The following SHISA9 variants were observed in gnomAD, a reference collection of about 807,000 sequenced individuals.
The protein encoded by SHISA9 is protein shisa-9.
In SHISA9, 13 loss-of-function variants were observed where a neutral mutation model predicts 38.0. The observed-to-expected ratio is 0.34, with a 90% CI of 0.22 to 0.54. SHISA9 has a LOEUF of 0.54. Among genes scored for constraint, SHISA9 ranks in the 20% least tolerant of loss-of-function variants. The pLI, the probability that SHISA9 is intolerant of heterozygous loss-of-function variation, is 0.91. For missense variants in SHISA9, 538 were observed against 575.8 expected, an observed-to-expected ratio of 0.93 and a Z score of 0.67; for synonymous variants, 275 against 242.0, an observed-to-expected ratio of 1.14 and a Z score of -1.27.
At chr16:13,262,654 A>AAGGAAGGAAGGGAGGG in the SHISA9 span, among the ~76,000 whole-genome samples, 4,670 of 46,696 alleles carry the variant, frequency 0.1, 151 homozygotes, top group Admixed American at 0.12. Flanking sequence ...GGAAGGAAGG[A>AAGGAAGGAAGGGAGGG]AGGAAGGAAG....
chr16:13,121,733 A>G (rs1378035695), intron 2 of SHISA9, among the ~76,000 whole-genome samples: 1 of 151,892 alleles, frequency 6.6e-6, no homozygotes, highest in Non-Finnish European at 1.5e-5. Flanking sequence ...GGAATGGGCA[A>G]TTTCAAAGCT....
At chr16:13,217,345 C>A (rs1282733060) in intron 4 of SHISA9, among the ~76,000 whole-genome samples, 1 of 152,042 alleles carries the variant, frequency 6.6e-6, no homozygotes, top group Non-Finnish European at 1.5e-5. Context: ...ATCTCAAGAC[C>A]AGCAGACTGT....
At chr16:13,047,703 C>T (rs1176909594) in intron 2 of SHISA9, among the ~76,000 whole-genome samples, 3 of 152,142 alleles carry the variant, frequency 2.0e-5, no homozygotes, top group Non-Finnish European at 2.9e-5. Context: ...TCCCGTGTGC[C>T]AGGATCTGTG....
At position 13,012,533 on chromosome 16, in the gene SHISA9, G is replaced by A. The variant is rs575339388; in HGVS notation, c.691+95718G>A. ...TGAGACCAAACAACTGGACAAGGATGCACACGCTTTTCATTTCAAATAAAT... is the reference window on the plus strand; with the variant it reads ...TGAGACCAAACAACTGGACAAGGATACACACGCTTTTCATTTCAAATAAAT... On this transcript the variant is annotated intron_variant, in intron 2 of 4. Transcript: ENST00000558583. 8.5e-5 allele frequency among the ~76,000 whole-genome samples: 13 copies of A among 152,286 alleles called. No individual in the cohort carries two copies. In the East Asian group the frequency reaches 2.3e-3, roughly 27 times the overall value.
Position 13,235,215 on chromosome 16 carries a change from G to C in SHISA9, c.1081G>C (p.Ala361Pro). 1 of 1,551,698 alleles carries C rather than the reference G, an allele frequency of 6.4e-7. No homozygotes were observed. Among genetic ancestry groups the C allele is most frequent in the South Asian group, 1.2e-5 (1 of 84,054 alleles). ...CAACAAGATGCCCCCACATCCCCTGGCCTACACCTCTACCACCAACTTTAA... is the reference window on the plus strand; with the variant it reads ...CAACAAGATGCCCCCACATCCCCTGCCCTACACCTCTACCACCAACTTTAA... ...RTNKMPPHPL[A>P]YTSTTNFKGW... Residue 361 changes from alanine to proline, a missense_variant, in exon 5 of 5, where the codon GCC becomes CCC. By Grantham distance (27) the Ala-to-Pro change is conservative. Coordinates refer to ENST00000558583, the MANE Select transcript of SHISA9 (RefSeq NM_001145204.3).
At chr16:13,469,330 G>GAAAGAAAGAAAGA in the SHISA9 span, among the ~76,000 whole-genome samples, 2 of 100,948 alleles carry the variant, frequency 2.0e-5, no homozygotes, top group African/African-American at 7.1e-5. Flanking sequence ...GAGAAAGAAA[G>GAAAGAAAGAAAGA]AAAGAAAGAA....
At chr16:12,992,281 T>G (rs1196491185) in intron 2 of SHISA9, among the ~76,000 whole-genome samples, 2 of 151,014 alleles carry the variant, frequency 1.3e-5, no homozygotes, top group African/African-American at 4.9e-5. Flanking sequence ...CCCCAGCACT[T>G]TGGGAGGCCG....
the SHISA9 span, among the ~76,000 whole-genome samples, chr16:13,266,820 T>C: frequency 1.4e-4 from 21 of 152,256 alleles, no homozygotes; most frequent in Non-Finnish European, 1.5e-5. Context: ...GAATAAGACC[T>C]TCATATATGA....
the SHISA9 span, among the ~76,000 whole-genome samples, chr16:13,412,234 A>G: frequency 1.3e-5 from 2 of 152,164 alleles, no homozygotes; most frequent in Non-Finnish European, 2.9e-5. Context: ...GAATGTTTCC[A>G]GACTGTCCAC....
Position 13,053,274 on chromosome 16 carries a change from C to T in SHISA9, c.691+136459C>T, listed in dbSNP as rs2141901376. Among the ~76,000 whole-genome samples the T allele has an allele frequency of 2.0e-5, 3 of 152,168 alleles. 1 individual carries two copies. The highest frequency in any genetic ancestry group is 6.8e-3 in the Middle Eastern group (2 of 292). Reference sequence around the variant, plus strand: ...CATCGCACGCAGCCCCCTTTCCTTTCTACTGTCTGCATTCAATCCTTCATC... The same window carrying T: ...CATCGCACGCAGCCCCCTTTCCTTTTTACTGTCTGCATTCAATCCTTCATC... On this transcript the variant is annotated intron_variant, in intron 2 of 4. Coordinates refer to ENST00000558583, the MANE Select transcript of SHISA9 (RefSeq NM_001145204.3).
the SHISA9 span, among the ~76,000 whole-genome samples, chr16:13,477,168 G>T: frequency 6.6e-6 from 1 of 152,130 alleles, no homozygotes; most frequent in African/African-American, 2.4e-5. Flanking sequence ...AATAAAAAAT[G>T]AGTAATAGAT....
the SHISA9 span, among the ~76,000 whole-genome samples, chr16:13,398,590 C>G: frequency 6.6e-6 from 1 of 151,780 alleles, no homozygotes; most frequent in African/African-American, 2.4e-5. Flanking sequence ...AACCTCCGCC[C>G]CCCACCCCAC....
chr16:13,373,260 G>T, the SHISA9 span, among the ~76,000 whole-genome samples: 1 of 152,156 alleles, frequency 6.6e-6, no homozygotes. Context: ...TAGCTGATTC[G>T]CCATAAAACA....
chr16:13,380,685 ATTATAC>A, the SHISA9 span, among the ~76,000 whole-genome samples: 30 of 152,250 alleles, frequency 2.0e-4, no homozygotes, highest in Admixed American at 4.6e-4. Context: ...TATTATTATT[ATTATAC>A]TTTAAGTTCT....
intron 2 of SHISA9, among the ~76,000 whole-genome samples, chr16:13,012,866 A>C (rs1489863547): frequency 6.6e-6 from 1 of 152,030 alleles, no homozygotes; most frequent in Admixed American, 6.6e-5. Flanking sequence ...CAGGGAGGAG[A>C]GACAACTTTC....
At chr16:13,203,831 C>T (rs13331427) in intron 3 of SHISA9, among the ~76,000 whole-genome samples, 42,112 of 151,856 alleles carry the variant, frequency 0.28, 6,185 homozygotes, top group Middle Eastern at 0.38. Flanking sequence ...TATCCATCTA[C>T]CTACCTACAT....
At chr16:13,457,128 G>C in the SHISA9 span, among the ~76,000 whole-genome samples, 1 of 152,220 alleles carries the variant, frequency 6.6e-6, no homozygotes, top group Non-Finnish European at 1.5e-5. Flanking sequence ...CCAATGTGGA[G>C]AAACCCTGTC....
At chr16:13,247,788 A>C in the SHISA9 span, among the ~76,000 whole-genome samples, 1 of 152,186 alleles carries the variant, frequency 6.6e-6, no homozygotes, top group Admixed American at 6.5e-5. Flanking sequence ...GCAAGTTCAG[A>C]GGTTTCAGTT....
the SHISA9 span, among the ~76,000 whole-genome samples, chr16:13,462,251 A>G: frequency 6.6e-6 from 1 of 152,122 alleles, no homozygotes; most frequent in East Asian, 1.9e-4. Flanking sequence ...TACCAAAAAA[A>G]AAAATTCTTT....
Sources: allele counts gnomAD v4.1 joint callset (sites outside exome capture counted in the v4.1 genomes callset), GRCh38; gene constraint gnomAD v4.1.1; transcripts MANE v1.5; gene names NCBI Gene and HGNC (gene_info 2026-07-23, HGNC 2026-07-21).